The following PLEKHA5 variants were observed in gnomAD, a reference collection of about 807,000 sequenced individuals.
PLEKHA5 encodes the protein pleckstrin homology domain-containing family A member 5.
Under a neutral mutation model 181.9 loss-of-function variants are expected in PLEKHA5, and 55 were observed. The ratio of observed to expected loss-of-function variants is 0.30; its 90% CI spans 0.24 to 0.38. The LOEUF (loss-of-function observed/expected upper bound fraction) is 0.38. Ranked by LOEUF, PLEKHA5 falls within the 10% of genes least tolerant of loss-of-function variation. The pLI, the probability that PLEKHA5 is intolerant of heterozygous loss-of-function variation, is 1.00. For missense variants in PLEKHA5, 1,432 were observed against 1,549.5 expected (o/e 0.92, Z 1.27); for synonymous variants, 535 against 529.4 (o/e 1.01, Z -0.15).
chr12:19,326,911 T>C (rs1021128361), intron 20 of PLEKHA5, among the ~76,000 whole-genome samples: 7 of 152,258 alleles, frequency 4.6e-5, no homozygotes, highest in African/African-American at 1.7e-4. Context: ...TTCTTTGTTA[T>C]GGTTGTGTAG....
intron 3 of PLEKHA5, among the ~76,000 whole-genome samples, chr12:19,228,463 T>C (rs770619096): frequency 2.0e-5 from 3 of 152,214 alleles, no homozygotes; most frequent in Admixed American, 6.5e-5. Context: ...ACATGTCTTT[T>C]AGAACAATAG....
At chr12:19,301,512 A>T (rs937468531) in intron 15 of PLEKHA5, among the ~76,000 whole-genome samples, 2 of 152,154 alleles carry the variant, frequency 1.3e-5, no homozygotes, top group Non-Finnish European at 2.9e-5. Context: ...AAAAAATCAG[A>T]TCTGTAAAAC....
At chr12:19,138,258 A>G (rs2036253236) in intron 3 of PLEKHA5, among the ~76,000 whole-genome samples, 1 of 152,104 alleles carries the variant, frequency 6.6e-6, no homozygotes, top group Non-Finnish European at 1.5e-5. Flanking sequence ...GTATATGTGT[A>G]TGTGTAAGTT....
At chr12:19,143,547 T>C (rs1015065294) in intron 3 of PLEKHA5, among the ~76,000 whole-genome samples, 2 of 152,156 alleles carry the variant, frequency 1.3e-5, no homozygotes, top group Admixed American at 6.5e-5. Context: ...TGTGTACAAT[T>C]ATATGCATAT....
intron 3 of PLEKHA5, among the ~76,000 whole-genome samples, chr12:19,191,848 A>G (rs1017281870): frequency 3.3e-5 from 5 of 152,160 alleles, no homozygotes; most frequent in African/African-American, 1.2e-4. Context: ...TGCGTGACCC[A>G]TGACATGGTG....
In PLEKHA5 at chr12:19,255,062, C is replaced by T; in HGVS notation, c.329C>T (p.Thr110Ile). The change falls in exon 5 of 32, where the codon ACA (threonine) becomes ATA (isoleucine). Residue 110 changes from threonine to isoleucine, a missense_variant. Coordinates refer to ENST00000429027, the MANE Select transcript of PLEKHA5 (RefSeq NM_001256470.2). The stretch of plus-strand genomic sequence containing the variant: ...ATTTTCAGGACTGTTGCAACCATGA[C>T]ATCTGAAGAAAAGAAGGAACGGCCA... The part of the protein sequence containing the change: ...VVNEQTVATM[T>I]SEEKKERPIS... 3 of 1,606,502 alleles carry T rather than the reference C, an allele frequency of 1.9e-6. No homozygotes were observed. In the South Asian group the frequency reaches 3.3e-5, roughly 18 times the overall value.
intron 20 of PLEKHA5, among the ~76,000 whole-genome samples, chr12:19,331,105 A>T (rs2092789169): frequency 6.6e-6 from 1 of 152,206 alleles, no homozygotes; most frequent in Non-Finnish European, 1.5e-5. Flanking sequence ...AAAACAGTTT[A>T]TTAGCTCTAA....
chr12:19,194,798 G>A (rs537195939), intron 3 of PLEKHA5, among the ~76,000 whole-genome samples: 3 of 152,162 alleles, frequency 2.0e-5, no homozygotes, highest in African/African-American at 7.2e-5. Flanking sequence ...AATCTCAGAT[G>A]AAATACATTT....
intron 12 of PLEKHA5, among the ~76,000 whole-genome samples, chr12:19,286,390 G>T (rs764888703): frequency 5.3e-5 from 8 of 152,034 alleles, no homozygotes; most frequent in African/African-American, 9.7e-5. Context: ...GAGCTATAGC[G>T]CAGTGTCAAA....
chr12:19,169,002 C>A (rs1430474276), intron 3 of PLEKHA5, among the ~76,000 whole-genome samples: 1 of 152,134 alleles, frequency 6.6e-6, no homozygotes, highest in Non-Finnish European at 1.5e-5. Flanking sequence ...ATTCTTTAAG[C>A]TACTGGCACA....
chr12:19,320,237 T>G (rs928342076), intron 17 of PLEKHA5, among the ~76,000 whole-genome samples, 181 bp downstream of exon 17: 6 of 152,074 alleles, frequency 3.9e-5, no homozygotes, highest in Non-Finnish European at 4.4e-5. Context: ...TACGATTGTA[T>G]TTGTCAGTTT....
At chr12:19,341,323 C>T (rs2093908019) in intron 21 of PLEKHA5, among the ~76,000 whole-genome samples, 1 of 152,012 alleles carries the variant, frequency 6.6e-6, no homozygotes, top group Non-Finnish European at 1.5e-5. Flanking sequence ...TAGTAGTAAC[C>T]AGAGAAATGC....
At chr12:19,241,641 A>G (rs948615366) in intron 3 of PLEKHA5, among the ~76,000 whole-genome samples, 1 of 151,988 alleles carries the variant, frequency 6.6e-6, no homozygotes, top group Non-Finnish European at 1.5e-5. Context: ...CTGTAATCCC[A>G]TCTACTTGGG....
chr12:19,238,829 G>A (rs1355292865), intron 3 of PLEKHA5, among the ~76,000 whole-genome samples: 1 of 145,908 alleles, frequency 6.9e-6, no homozygotes, highest in African/African-American at 2.5e-5. Context: ...AAGGAAGAGG[G>A]CAATGAGCAG....
chr12:19,205,280 T>C (rs1056444116), intron 3 of PLEKHA5: 1 of 548,356 alleles, frequency 1.8e-6, no homozygotes, highest in African/African-American at 2.1e-5. Flanking sequence ...TACTTACTCT[T>C]GGAGACTGCG....
chr12:19,169,218 A>G (rs1393715929), intron 3 of PLEKHA5, among the ~76,000 whole-genome samples: 1 of 152,090 alleles, frequency 6.6e-6, no homozygotes, highest in Non-Finnish European at 1.5e-5. Context: ...TTAATATTTG[A>G]ATTTAAGTAA....
rs143345109 is a variant in PLEKHA5, at chr12:19,250,189, G to C, written c.228-3751G>C. On this transcript the variant is annotated intron_variant, in intron 3 of 31. Coordinates refer to ENST00000429027, the MANE Select transcript of PLEKHA5 (RefSeq NM_001256470.2). ...TGGAAGTAAGAGTAGGTAAACACTG[G>C]CATTGTATTTAGAAAAGTTTGGACT... is the stretch of plus-strand genomic sequence containing the variant. Among the ~76,000 whole-genome samples the C allele has an allele frequency of 3.7e-3, 556 of 152,286 alleles. 3 individuals are homozygous for C. The highest frequency in any genetic ancestry group is 0.013 in the African/African-American group (536 of 41,552).
intron 3 of PLEKHA5, among the ~76,000 whole-genome samples, chr12:19,208,283 C>T (rs2056098985): frequency 6.6e-6 from 1 of 151,992 alleles, no homozygotes; most frequent in Non-Finnish European, 1.5e-5. Context: ...TGGAAGGCGC[C>T]TATAATCCCA....
chr12:19,352,784 C>CT (rs1555170664), intron 25 of PLEKHA5, among the ~76,000 whole-genome samples: 2 of 151,386 alleles, frequency 1.3e-5, no homozygotes, highest in Non-Finnish European at 2.9e-5. Context: ...TTTTTCTTCT[C>CT]TTTTTTCTTT....
Sources: allele counts gnomAD v4.1 joint callset (sites outside exome capture counted in the v4.1 genomes callset), GRCh38; gene constraint gnomAD v4.1.1; transcripts MANE v1.5; gene names NCBI Gene and HGNC (gene_info 2026-07-23, HGNC 2026-07-21).